ZYG11B: variants seen among roughly 807,000 people sequenced by gnomAD.
ZYG11B encodes the protein zyg-11 family member B, cell cycle regulator.
Under a neutral mutation model 82.4 loss-of-function variants are expected in ZYG11B, and 36 were observed. That is an observed-to-expected ratio of 0.44 (90% CI 0.33 to 0.58). The LOEUF is 0.58. ZYG11B is among the 20% of genes least tolerant of loss of function. The pLI is 0.02. For synonymous variants in ZYG11B, 303 were observed against 312.8 expected, an observed-to-expected ratio of 0.97 and a Z score of 0.33; for missense variants, 552 against 895.6, an observed-to-expected ratio of 0.62 and a Z score of 4.90.
chr1:52,819,248 T>A (rs1410704893), intron 13 of ZYG11B, among the ~76,000 whole-genome samples: 1 of 152,184 alleles, frequency 6.6e-6, no homozygotes, highest in Non-Finnish European at 1.5e-5. Context: ...TCCTTCCTAC[T>A]ACATTACCCA....
intron 3 of ZYG11B, among the ~76,000 whole-genome samples, chr1:52,776,229 A>AAAAAAAAAAAAAAAAAAT: frequency 4.2e-5 from 1 of 23,534 alleles, no homozygotes; most frequent in African/African-American, 9.5e-5. Context: ...TAAAAAAAAA[A>AAAAAAAAAAAAAAAAAAT]ATATATATAT....
rs775588574 is a variant in ZYG11B, at chr1:52,821,422, T to G, written c.2045-17T>G. The G allele has an allele frequency of 5.2e-5, 79 of 1,523,896 alleles. 1 individual carries two copies. In the South Asian group the frequency reaches 5.8e-4, roughly 11 times the overall value. The allele number at this position is 1,523,896 out of a possible 1,614,324, so 94.4% of individuals were successfully genotyped here. Reference sequence around the variant, plus strand: ...GCTATTTCTCCTGTTTTGTGTGTGTTTTTTTTTCTTTTTCAGCTTCAAGGT... The same window carrying G: ...GCTATTTCTCCTGTTTTGTGTGTGTGTTTTTTTCTTTTTCAGCTTCAAGGT... On this transcript the variant is annotated splice_polypyrimidine_tract_variant and intron_variant, in intron 13 of 13. Coordinates refer to ENST00000294353, the MANE Select transcript of ZYG11B (RefSeq NM_024646.3).
intron 5 of ZYG11B, among the ~76,000 whole-genome samples, chr1:52,786,396 G>T (rs1644911993): frequency 6.6e-6 from 1 of 152,152 alleles, no homozygotes; most frequent in African/African-American, 2.4e-5. Flanking sequence ...CTTTAAGTAG[G>T]TGAATCGTAT....
At chr1:52,790,090 A>G (rs779842342) in intron 6 of ZYG11B, 23 bp downstream of exon 6, 3 of 1,528,026 alleles carry the variant, frequency 2.0e-6, no homozygotes, top group African/African-American at 1.4e-5. Flanking sequence ...TCTAGAACTT[A>G]AAGTGGGGCA....
At chr1:52,793,713 T>C (rs543825229) in intron 6 of ZYG11B, among the ~76,000 whole-genome samples, 1 of 152,290 alleles carries the variant, frequency 6.6e-6, no homozygotes, top group Admixed American at 6.5e-5. Flanking sequence ...TGGGCATGTG[T>C]GAAGACTAAT....
intron 8 of ZYG11B, among the ~76,000 whole-genome samples, 173 bp from the exon 9 acceptor site, chr1:52,801,646 T>C (rs1462392602): frequency 6.6e-6 from 1 of 152,162 alleles, no homozygotes; most frequent in African/African-American, 2.4e-5. Flanking sequence ...ATGAAAATCT[T>C]ATACATTTTT....
rs1558139915 is a variant in ZYG11B at position 52,803,081 on chromosome 1, T to TACAC, written c.1695+943_1695+944insCACA. Among the ~76,000 whole-genome samples, 10 of 41,422 alleles carry TACAC rather than the reference T, an allele frequency of 2.4e-4. 3 individuals carry two copies. Among genetic ancestry groups the TACAC allele is most frequent in the African/African-American group, 9.4e-4 (10 of 10,690 alleles). 27.2% of individuals were successfully genotyped at this position (41,422 alleles called of 152,430 possible). On this transcript the variant is annotated intron_variant, in intron 10 of 13. Coordinates refer to ENST00000294353, the MANE Select transcript of ZYG11B (RefSeq NM_024646.3). ...TTATTTTTGCCACTATATATATATA[T>TACAC]ATACACATATATATATACATATATA...
chr1:52,800,736 G>A (rs61683936), intron 8 of ZYG11B, among the ~76,000 whole-genome samples: 55 of 152,176 alleles, frequency 3.6e-4, no homozygotes, highest in African/African-American at 1.2e-3. Flanking sequence ...TGAACCCCGG[G>A]GGGGTGGAGG....
intron 2 of ZYG11B, among the ~76,000 whole-genome samples, chr1:52,760,854 C>T (rs755462726): frequency 2.4e-4 from 36 of 150,612 alleles, no homozygotes; most frequent in Non-Finnish European, 4.3e-4. Flanking sequence ...TCTCTGCCTC[C>T]TGGGTTCATT....
chr1:52,759,781 A>G (rs1644611738), intron 2 of ZYG11B, among the ~76,000 whole-genome samples: 1 of 152,158 alleles, frequency 6.6e-6, no homozygotes, highest in Non-Finnish European at 1.5e-5. Flanking sequence ...GAAAATATTC[A>G]TACTGGGAAA....
chr1:52,760,505 A>G (rs1323228458), intron 2 of ZYG11B, among the ~76,000 whole-genome samples: 2 of 152,190 alleles, frequency 1.3e-5, no homozygotes, highest in Non-Finnish European at 1.5e-5. Flanking sequence ...TTCTAATAGC[A>G]TATTGATTTT....
chr1:52,744,344 A>G (rs1644459579), intron 1 of ZYG11B, among the ~76,000 whole-genome samples: 1 of 152,188 alleles, frequency 6.6e-6, no homozygotes, highest in Non-Finnish European at 1.5e-5. Context: ...CATCCTATCT[A>G]CCACCTCTAT....
intron 13 of ZYG11B, 105 bp from the exon 14 acceptor site, chr1:52,821,333 CT>C: frequency 2.6e-6 from 3 of 1,170,290 alleles, no homozygotes; most frequent in African/African-American, 3.1e-5. Flanking sequence ...AACAAAACAG[CT>C]AAAAAAAAAT....
chr1:52,754,765 G>C (rs1644557365), intron 1 of ZYG11B, among the ~76,000 whole-genome samples: 1 of 152,120 alleles, frequency 6.6e-6, no homozygotes, highest in Non-Finnish European at 1.5e-5. Context: ...TCATATCTAA[G>C]AAACTTTACT....
chr1:52,772,655 G>T, intron 3 of ZYG11B: 1 of 823,904 alleles, frequency 1.2e-6, no homozygotes. Context: ...CCATGATGGC[G>T]GCGATCAGGC....
intron 1 of ZYG11B, among the ~76,000 whole-genome samples, chr1:52,746,220 G>A (rs2149924140): frequency 6.6e-6 from 1 of 152,222 alleles, no homozygotes; most frequent in African/African-American, 2.4e-5. Flanking sequence ...CCAAAACGTT[G>A]GGATTACAGG....
chr1:52,752,841 G>T (rs1644537561), intron 1 of ZYG11B, among the ~76,000 whole-genome samples: 1 of 113,444 alleles, frequency 8.8e-6, no homozygotes. Context: ...AAACAATTCG[G>T]ACCATTTTTT....
chr1:52,754,959 C>CTTTT (rs34416689), intron 1 of ZYG11B, among the ~76,000 whole-genome samples: 2 of 126,684 alleles, frequency 1.6e-5, no homozygotes, highest in Non-Finnish European at 3.2e-5. Context: ...AAAGCCTATT[C>CTTTT]TTTTTTTTTT....
At chr1:52,781,091 G>A (rs964357516) in intron 4 of ZYG11B, among the ~76,000 whole-genome samples, 4 of 152,074 alleles carry the variant, frequency 2.6e-5, no homozygotes, top group Admixed American at 6.6e-5. Context: ...AGCCGAGATC[G>A]TGCCACTGCA....
Sources: allele counts gnomAD v4.1 joint callset (sites outside exome capture counted in the v4.1 genomes callset), GRCh38; gene constraint gnomAD v4.1.1; transcripts MANE v1.5; gene names NCBI Gene and HGNC (gene_info 2026-07-23, HGNC 2026-07-21).